APBA2: variants seen among roughly 807,000 people sequenced by gnomAD.
APBA2 encodes amyloid-beta A4 precursor protein-binding family A member 2.
A neutral mutation model predicts 75.0 loss-of-function variants in APBA2; 30 were observed. The ratio of observed to expected loss-of-function variants is 0.40; its 90% CI spans 0.30 to 0.54. APBA2 has a LOEUF of 0.54. APBA2 is among the 20% of genes least tolerant of loss of function. The pLI is 0.49. For missense variants in APBA2, 801 were observed against 1,016.1 expected (o/e 0.79, Z 2.88); for synonymous variants, 444 against 409.6 (o/e 1.08, Z -1.01).
At chr15:29,078,062 C>T (rs373739284) in intron 6 of APBA2, among the ~76,000 whole-genome samples, 3 of 152,020 alleles carry the variant, frequency 2.0e-5, no homozygotes, top group Non-Finnish European at 4.4e-5. Flanking sequence ...TTTGGGAGGC[C>T]GAGGCGGGTG....
chr15:29,080,621 G>A (rs1332670808), intron 6 of APBA2, among the ~76,000 whole-genome samples: 4 of 152,186 alleles, frequency 2.6e-5, no homozygotes, highest in Admixed American at 2.6e-4. Context: ...TGTCCTGCGG[G>A]GAGGAATCCG....
At chr15:28,908,965 C>T (rs1384461640) in intron 1 of APBA2, among the ~76,000 whole-genome samples, 3 of 151,332 alleles carry the variant, frequency 2.0e-5, no homozygotes, top group African/African-American at 7.3e-5. Flanking sequence ...CCCCAGCCCC[C>T]GGCAGCCACC....
In APBA2 at chr15:29,098,551, T is replaced by C; in HGVS notation, c.1313T>C (p.Ile438Thr). 6.2e-7 allele frequency: 1 copy of C among 1,614,124 alleles called. No homozygotes were observed. ...EVDLFISTQR[I>T]KVLNADTQET... ...GACCTCTTCATTTCCACCCAGAGGA[T>C]CAAGGTTTTAAATGCAGACACGCAG... The change falls in exon 9 of 15, where the codon ATC (isoleucine) becomes ACC (threonine). Residue 438 changes from isoleucine to threonine, a missense_variant. Transcript: ENST00000683413.
rs189692532 is a variant in APBA2, at chr15:29,028,567, T to C, written c.-40-25278T>C. Among the ~76,000 whole-genome samples, 400 of 152,294 alleles carry C rather than the reference T, an allele frequency of 2.6e-3. 1 individual carries two copies. The highest frequency in any genetic ancestry group is 8.3e-3 in the African/African-American group (347 of 41,564). On this transcript the variant is annotated intron_variant, in intron 3 of 14. Coordinates refer to ENST00000683413, the MANE Select transcript of APBA2 (RefSeq NM_001353788.2). Reference sequence around the variant, plus strand: ...CAAATGGTATTTCTGGTTATAGATCTTTGAGGAGTCACCACACTGTCTTCC... The same window carrying C: ...CAAATGGTATTTCTGGTTATAGATCCTTGAGGAGTCACCACACTGTCTTCC...
At chr15:28,972,724 A>C (rs1447687009) in intron 2 of APBA2, among the ~76,000 whole-genome samples, 1 of 152,254 alleles carries the variant, frequency 6.6e-6, no homozygotes, top group Non-Finnish European at 1.5e-5. Flanking sequence ...GCTGGACGGC[A>C]GAAATGGTCT....
intron 3 of APBA2, among the ~76,000 whole-genome samples, chr15:29,043,026 T>A (rs1056282078): frequency 4.6e-5 from 7 of 152,190 alleles, no homozygotes; most frequent in African/African-American, 1.7e-4. Context: ...GCACCGCTAT[T>A]TCCAGAAGTT....
chr15:28,917,432 C>T (rs1397459247), intron 1 of APBA2, among the ~76,000 whole-genome samples: 1 of 152,130 alleles, frequency 6.6e-6, no homozygotes, highest in African/African-American at 2.4e-5. Context: ...TACCCATTGG[C>T]CGTTTAATGG....
At chr15:28,984,029 T>A (rs2037764555) in intron 2 of APBA2, among the ~76,000 whole-genome samples, 1 of 152,188 alleles carries the variant, frequency 6.6e-6, no homozygotes. Flanking sequence ...CCAGAGGCCG[T>A]GCAGACACTC....
intron 14 of APBA2, 71 bp downstream of exon 14, chr15:29,114,087 C>A: frequency 6.2e-7 from 1 of 1,605,178 alleles, no homozygotes; most frequent in Non-Finnish European, 8.5e-7. Context: ...CCATGAGCCT[C>A]CCCCGCTCCA....
chr15:28,944,064 T>C (rs1565410), intron 2 of APBA2, among the ~76,000 whole-genome samples: 51,989 of 152,000 alleles, frequency 0.34, 15,716 homozygotes, highest in African/African-American at 0.8. Context: ...GGCCTACTCT[T>C]CACCCTGGCC....
chr15:28,978,713 C>T (rs373441405), intron 2 of APBA2, among the ~76,000 whole-genome samples: 6 of 152,188 alleles, frequency 3.9e-5, no homozygotes, highest in African/African-American at 4.8e-5. Context: ...CACAGTAATC[C>T]GGCAGGTGCC....
intron 6 of APBA2, among the ~76,000 whole-genome samples, chr15:29,086,507 A>G (rs537491080): frequency 6.6e-6 from 1 of 152,324 alleles, no homozygotes; most frequent in African/African-American, 2.4e-5. Flanking sequence ...AGGTTCTAAC[A>G]TTTGTAGTTT....
chr15:29,090,684 C>T (rs2043517924), intron 6 of APBA2, among the ~76,000 whole-genome samples: 1 of 152,196 alleles, frequency 6.6e-6, no homozygotes, highest in African/African-American at 2.4e-5. Context: ...CCAGAGCTTT[C>T]CTGCAGAACA....
At chr15:28,892,364 C>A (rs1334426368) in intron 1 of APBA2, among the ~76,000 whole-genome samples, 1 of 152,316 alleles carries the variant, frequency 6.6e-6, no homozygotes, top group African/African-American at 2.4e-5. Flanking sequence ...CGTGAGCCAC[C>A]ACGCCTGGCC....
chr15:28,963,609 G>C lies in APBA2; in HGVS notation c.-94-32144G>C, dbSNP rs534250446. 3.0e-3 allele frequency among the ~76,000 whole-genome samples: 453 copies of C among 152,308 alleles called. 5 individuals carry two copies. The highest frequency in any genetic ancestry group is 0.011 in the African/African-American group (443 of 41,556). The stretch of plus-strand genomic sequence containing the variant: ...TCCACTAAACACGGGCTATGACCAA[G>C]GTCTCTTTGACAACATAATCCAACA... On this transcript the variant is annotated intron_variant, in intron 2 of 14. Transcript: ENST00000683413.
chr15:29,047,565 G>A (rs2041395070), intron 3 of APBA2, among the ~76,000 whole-genome samples: 1 of 151,992 alleles, frequency 6.6e-6, no homozygotes, highest in Non-Finnish European at 1.5e-5. Context: ...AGGTTTTTGG[G>A]GCCTCCCTGA....
At chr15:28,993,283 A>G (rs1013172393) in intron 2 of APBA2, among the ~76,000 whole-genome samples, 1 of 152,158 alleles carries the variant, frequency 6.6e-6, no homozygotes, top group Non-Finnish European at 1.5e-5. Flanking sequence ...CTCGAATCAC[A>G]CAGCCGTGCT....
At chr15:28,998,944 C>T (rs181504148) in intron 3 of APBA2, among the ~76,000 whole-genome samples, 12 of 152,206 alleles carry the variant, frequency 7.9e-5, no homozygotes, top group East Asian at 7.7e-4. Flanking sequence ...GTCGGGAGTT[C>T]GAGACGAGCC....
intron 3 of APBA2, among the ~76,000 whole-genome samples, chr15:29,038,214 C>G (rs988730639): frequency 6.6e-6 from 1 of 152,162 alleles, no homozygotes; most frequent in Non-Finnish European, 1.5e-5. Context: ...GTCTCCTCTT[C>G]GTTTTGGTGT....
Sources: allele counts gnomAD v4.1 joint callset (sites outside exome capture counted in the v4.1 genomes callset), GRCh38; gene constraint gnomAD v4.1.1; transcripts MANE v1.5; gene names NCBI Gene and HGNC (gene_info 2026-07-23, HGNC 2026-07-21).